The following PSG9 variants were observed in gnomAD, a reference collection of about 807,000 sequenced individuals.
The protein encoded by PSG9 is pregnancy specific beta-1-glycoprotein 9.
In PSG9, 49 loss-of-function variants were observed where a neutral mutation model predicts 41.9. That is an observed-to-expected ratio of 1.17 (90% confidence interval 0.93 to 1.48). The LOEUF is 1.48. PSG9 is among the 40% of genes most tolerant of loss of function. The probability of loss-of-function intolerance (pLI) is 0.00; values close to 1 mark genes in which losing one functional copy is unlikely to be tolerated. For missense variants in PSG9, 641 were observed against 520.3 expected (o/e 1.23, Z -2.26); for synonymous variants, 263 against 196.8 (o/e 1.34, Z -2.82).
rs550817665 is a variant in PSG9 at position 43,257,660 on chromosome 19, A to G, written c.1243+542T>C. On this transcript the variant is annotated intron_variant, in intron 5 of 5. Coordinates refer to ENST00000270077, the MANE Select transcript of PSG9 (RefSeq NM_002784.5). ...GACAGGCCACCAGGGCCCTTTCTAC[A>G]CACACGCTAGTCCCACCCCAGGTTG... The G allele has an allele frequency of 2.2e-3, 2,283 of 1,049,058 alleles. 154 individuals carry two copies. The highest frequency in any genetic ancestry group is 2.3e-3 in the Non-Finnish European group (2,004 of 878,700). The allele number at this position is 1,049,058 out of a possible 1,614,324, so 65.0% of individuals were successfully genotyped here.
Position 43,260,108 on chromosome 19 carries a change from G to A in PSG9, c.710-973C>T, listed in dbSNP as rs1265283480. On this transcript the variant is annotated intron_variant, in intron 3 of 5. Transcript: ENST00000270077. Reference sequence around the variant, plus strand: ...TTCTACTCTCTGATCCCCTGGGTTCGACTACTCTAGGGACCTCATGTAAGT... The same window carrying A: ...TTCTACTCTCTGATCCCCTGGGTTCAACTACTCTAGGGACCTCATGTAAGT... 2.7e-5 allele frequency: 4 copies of A among 146,190 alleles called. 1 individual carries two copies. Among genetic ancestry groups the A allele is most frequent in the South Asian group, 2.2e-4 (1 of 4,610 alleles). 9.1% of individuals were successfully genotyped at this position (146,190 alleles called of 1,614,324 possible).
At chr19:43,263,606 A>T (rs1037617796) in intron 2 of PSG9, among the ~76,000 whole-genome samples, 6 of 151,462 alleles carry the variant, frequency 4.0e-5, no homozygotes, top group Non-Finnish European at 5.9e-5. Context: ...AAAAAAAAAA[A>T]TTTGGAGGAA....
At position 43,258,539 on chromosome 19, in the gene PSG9, C is replaced by T. The variant is rs1043670192; in HGVS notation, c.989-83G>A. 6.0e-6 allele frequency: 9 copies of T among 1,496,070 alleles called. 1 individual carries two copies. In the African/African-American group the frequency reaches 1.2e-4, roughly 20 times the overall value. 92.7% of individuals were successfully genotyped at this position (1,496,070 alleles called of 1,614,324 possible). On this transcript the variant is annotated intron_variant, in intron 4 of 5. Transcript: ENST00000270077. ...GGTCTCTTAAAGGGACACAGTGACC[C>T]TCTGAGCCAAGACACACCCTCAAGT...
At chr19:43,261,456 G>A (rs1599828412) in intron 3 of PSG9, among the ~76,000 whole-genome samples, 1 of 152,104 alleles carries the variant, frequency 6.6e-6, no homozygotes, top group East Asian at 1.9e-4. Context: ...GTGCATCCAG[G>A]CCATGTGGAG....
chr19:43,263,096 A>G (rs1043500645), intron 2 of PSG9, among the ~76,000 whole-genome samples: 2 of 152,152 alleles, frequency 1.3e-5, no homozygotes, highest in African/African-American at 4.8e-5. Flanking sequence ...TGGACATTCT[A>G]CTGTCTGATC....
rs774949366 is a variant in PSG9 at position 43,267,822 on chromosome 19, G to T, written c.392C>A (p.Thr131Asn). ...GGTGAAATGTCGAATTTCTTCTCTA[G>T]TCTCATCACCTCGCTTTATGATGTG... ...TLHIIKRGDE[T>N]REEIRHFTFT... The change falls in exon 2 of 6, where the codon ACT becomes AAT. Residue 131 changes from threonine (T) to asparagine (N), a missense_variant. Coordinates refer to ENST00000270077, the MANE Select transcript of PSG9 (RefSeq NM_002784.5). 19 of 1,613,274 alleles carry T rather than the reference G, an allele frequency of 1.2e-5. No individual in the cohort carries two copies. Among genetic ancestry groups the T allele is most frequent in the Non-Finnish European group, 1.5e-5 (18 of 1,179,590 alleles).
intron 3 of PSG9, among the ~76,000 whole-genome samples, chr19:43,260,916 C>G (rs1316894250): frequency 6.6e-6 from 1 of 152,012 alleles, no homozygotes; most frequent in Admixed American, 6.6e-5. Flanking sequence ...AATCATTTGA[C>G]CTTTTTGGTT....
In PSG9 at chr19:43,261,874, G is replaced by A. The variant is rs773381265; in HGVS notation, c.695C>T (p.Thr232Ile). ...AAGATACTCACGGAGGAGATTCAGG[G>A]TGACTGGGTCACTGCGACTGGCACT... is the stretch of plus-strand genomic sequence containing the variant. ...PVSASRSDPVTLNLLPKLPIP... is the reference protein window; with the variant it reads ...PVSASRSDPVILNLLPKLPIP... The change falls in exon 3 of 6, where the codon ACC (threonine) becomes ATC (isoleucine). Residue 232 changes from threonine (T) to isoleucine (I), a missense_variant. Thr to Ile is a moderately conservative substitution (Grantham distance 89, BLOSUM62 -1). Transcript: ENST00000270077. 3.7e-6 allele frequency: 6 copies of A among 1,613,948 alleles called. No homozygotes were observed. Among genetic ancestry groups the A allele is most frequent in the Admixed American group, 3.3e-5 (2 of 60,004 alleles).
intron 3 of PSG9, chr19:43,260,545 T>TTCCATA (rs1445909409): frequency 6.8e-6 from 1 of 147,230 alleles, no homozygotes; most frequent in Non-Finnish European, 1.5e-5. Flanking sequence ...TTTTGGTCAA[T>TTCCATA]TCCATACTGG....
In PSG9 at chr19:43,268,022, G is replaced by GC; in HGVS notation, c.191dup (p.Tyr65LeufsTer21). 6.2e-7 allele frequency: 1 copy of GC among 1,613,886 alleles called. No individual in the cohort carries two copies. The highest frequency in any genetic ancestry group is 8.5e-7 in the Non-Finnish European group (1 of 1,179,930). ...TCATTTCCCCTTTGTACCAGAAGTA[G>GC]CCAGGAAGATTCTGGGGCAAATTGT... On this transcript the variant is annotated frameshift_variant, in exon 2 of 6. Transcript: ENST00000270077. LOFTEE classifies it high-confidence loss of function.
chr19:43,263,520 T>C (rs1266503416), intron 2 of PSG9, among the ~76,000 whole-genome samples: 3 of 152,100 alleles, frequency 2.0e-5, no homozygotes, highest in East Asian at 1.9e-4. Flanking sequence ...ATGCTCAATT[T>C]GTTATACTGT....
Position 43,256,435 on chromosome 19 carries a change from A to T in PSG9, c.1243+1767T>A, listed in dbSNP as rs755030525. 1.0e-4 allele frequency among the ~76,000 whole-genome samples: 15 copies of T among 147,112 alleles called. 2 individuals carry two copies. In the Middle Eastern group the frequency reaches 0.01, roughly 101 times the overall value. ...GAAATGATAAAAATATTTGCAAATT[A>T]TATGTGTGATAAGAAATTCATTTCC... On this transcript the variant is annotated intron_variant, in intron 5 of 5. Transcript: ENST00000270077.
chr19:43,254,098 C>T (rs904220178), intron 5 of PSG9, among the ~76,000 whole-genome samples: 3 of 145,738 alleles, frequency 2.1e-5, no homozygotes, highest in African/African-American at 7.8e-5. Context: ...TATGTGTTAC[C>T]TCTTTTTCCA....
chr19:43,264,906 G>A (rs1489960214), intron 2 of PSG9, among the ~76,000 whole-genome samples: 1 of 152,154 alleles, frequency 6.6e-6, no homozygotes, highest in Non-Finnish European at 1.5e-5. Context: ...TCCATAGCAG[G>A]TTGAGGATGG....
intron 5 of PSG9, chr19:43,257,835 G>A: frequency 5.9e-6 from 8 of 1,359,140 alleles, no homozygotes; most frequent in Non-Finnish European, 7.5e-6. Context: ...TGTAGCTCAT[G>A]GAATAGGTAC....
intron 5 of PSG9, chr19:43,257,910 G>C (rs1599818297): frequency 5.0e-6 from 7 of 1,406,302 alleles, no homozygotes; most frequent in Non-Finnish European, 6.4e-6. Context: ...TGATCTTGAG[G>C]ACTCTCCTTC....
Position 43,258,200 on chromosome 19 carries a change from A to G in PSG9, c.1243+2T>C. ...CTGCCAAGGATGCTGGGATCCACTTACCAGAGACTTTGACTGTCATGGATT... is the reference window on the plus strand; with the variant it reads ...CTGCCAAGGATGCTGGGATCCACTTGCCAGAGACTTTGACTGTCATGGATT... On this transcript the variant is annotated splice_donor_variant, in intron 5 of 5. Transcript: ENST00000270077. LOFTEE classifies it high-confidence loss of function. 1 of 1,592,686 alleles carries G rather than the reference A, an allele frequency of 6.3e-7. No individual in the cohort carries two copies. The highest frequency in any genetic ancestry group is 8.5e-7 in the Non-Finnish European group (1 of 1,174,476).
At chr19:43,256,258 A>G (rs1342236960) in intron 5 of PSG9, among the ~76,000 whole-genome samples, 1 of 146,922 alleles carries the variant, frequency 6.8e-6, no homozygotes, top group Non-Finnish European at 1.5e-5. Flanking sequence ...AACTCTTAGA[A>G]GAAAAGCTTC....
Position 43,253,862 on chromosome 19 carries a change from T to C in PSG9, c.1244-216A>G, listed in dbSNP as rs1478790407. ...GTACCTAAAACTTCTTTCTCTTTCT[T>C]TTTCACAGGAATCAGCTCTGCATAG... On this transcript the variant is annotated intron_variant, in intron 5 of 5. Transcript: ENST00000270077. 5.5e-5 allele frequency among the ~76,000 whole-genome samples: 8 copies of C among 146,322 alleles called. 2 individuals are homozygous for C. Among genetic ancestry groups the C allele is most frequent in the African/African-American group, 2.1e-4 (8 of 38,418 alleles).
Sources: gnomAD v4.1 joint callset for allele counts (sites outside exome capture counted in the v4.1 genomes callset) on GRCh38, gnomAD v4.1.1 for gene constraint, MANE v1.5 for transcripts, NCBI Gene and HGNC (gene_info 2026-07-23, HGNC 2026-07-21) for gene names.